The following MASP2 variants were observed in gnomAD, a reference collection of about 807,000 sequenced individuals.
MASP2 encodes mannan-binding lectin serine protease 2.
In MASP2, 49 loss-of-function variants were observed where a neutral mutation model predicts 57.1. The observed-to-expected ratio is 0.86, with a 90% CI of 0.68 to 1.09. The LOEUF (loss-of-function observed/expected upper bound fraction) is 1.09. Among genes scored for constraint, MASP2 ranks in the 50% least tolerant of loss-of-function variants. The pLI, the probability that MASP2 is intolerant of heterozygous loss-of-function variation, is 0.00. For missense variants in MASP2, 900 were observed against 874.8 expected (o/e 1.03, Z -0.36); for synonymous variants, 379 against 340.8 (o/e 1.11, Z -1.24).
intron 7 of MASP2, among the ~76,000 whole-genome samples, chr1:11,037,066 T>C (rs1638263056): frequency 6.6e-6 from 1 of 152,116 alleles, no homozygotes; most frequent in African/African-American, 2.4e-5. Flanking sequence ...TTTATATATT[T>C]TTTTGAGACA....
chr1:11,042,321 T>C (rs1638484295), intron 6 of MASP2, among the ~76,000 whole-genome samples: 1 of 147,282 alleles, frequency 6.8e-6, no homozygotes, highest in Non-Finnish European at 1.5e-5. Flanking sequence ...AATGAATAGA[T>C]GGATAGCTGG....
chr1:11,027,359 A>G lies in MASP2; in HGVS notation c.1587T>C (p.Phe529=). The G allele has an allele frequency of 6.2e-7, 1 of 1,614,214 alleles. No homozygotes were observed. Among genetic ancestry groups the G allele is most frequent in the East Asian group, 2.2e-5 (1 of 44,886 alleles). Residue 529 remains phenylalanine (F), a synonymous_variant, in exon 11 of 11, where the codon TTT becomes TTC. Transcript: ENST00000400897. ...ATTTAATCAGTGCTATGTCATTGTC[A>G]AAGCCAGCATCATGAGTATAACCTT... ...IHEGYTHDAG[F]DNDIALIKLN...
rs113188736 is a variant in MASP2 at position 11,046,055 on chromosome 1, C to A, written c.412+501G>T. ...TGAGACGGAGTCTAGCTCTGTCGCC[C>A]AGGCTGGAGTGTAGTGGTGCAATCT... On this transcript the variant is annotated intron_variant, in intron 3 of 10. Transcript: ENST00000400897. 1,215 of 204,228 alleles carry A rather than the reference C, an allele frequency of 5.9e-3. 5 individuals are homozygous for A. Among genetic ancestry groups the A allele is most frequent in the Non-Finnish European group, 9.9e-3 (980 of 99,318 alleles). The allele number at this position is 204,228 out of a possible 1,614,324, so 12.7% of individuals were successfully genotyped here.
In MASP2 at chr1:11,046,927, C is replaced by T. The variant is rs1638659744; in HGVS notation, c.198G>A (p.Leu66=). 1 of 1,572,540 alleles carries T rather than the reference C, an allele frequency of 6.4e-7. No individual in the cohort carries two copies. The highest frequency in any genetic ancestry group is 8.6e-7 in the Non-Finnish European group (1 of 1,158,756). ...RLRLYFTHFD[L]ELSHLCEYDF... ...CGTACTCGCAGAGGTGGGAGAGCTC[C>T]AGGTCGAAGTGGGTGAAGTAGAGGC... The change falls in exon 2 of 11, where the codon CTG becomes CTA. Residue 66 remains leucine (L), a synonymous_variant. Coordinates refer to ENST00000400897, the MANE Select transcript of MASP2 (RefSeq NM_006610.4).
At chr1:11,044,806 G>A (rs532616656) in intron 4 of MASP2, 325 of 1,537,206 alleles carry the variant, frequency 2.1e-4, no homozygotes, top group Non-Finnish European at 2.6e-4. Context: ...GGTGGGGTGG[G>A]GCCAGGTTTA....
intron 4 of MASP2, chr1:11,044,874 G>A (rs889621276): frequency 7.1e-6 from 11 of 1,556,102 alleles, no homozygotes; most frequent in Middle Eastern, 1.9e-4. Flanking sequence ...AGCCCAACCC[G>A]GAGCTGAGGC....
chr1:11,044,358 A>G (rs372441316), intron 4 of MASP2, among the ~76,000 whole-genome samples: 437 of 152,234 alleles, frequency 2.9e-3, no homozygotes, highest in Middle Eastern at 6.8e-3. Flanking sequence ...CCCCACCCCC[A>G]GCTGCAGTGG....
chr1:11,046,169 C>T (rs1638632036), intron 3 of MASP2: 3 of 322,550 alleles, frequency 9.3e-6, no homozygotes, highest in Non-Finnish European at 1.8e-5. Context: ...CGCACCACCA[C>T]GCCCAGCTAA....
Position 11,037,689 on chromosome 1 carries a change from T to C in MASP2, c.1008+4A>G, listed in dbSNP as rs752532029. Reference sequence around the variant, plus strand: ...TGATCGTGGTGTACTTTGTTTTAACTCACTTGCAGAAGCTCATAGCCAGTC... The same window carrying C: ...TGATCGTGGTGTACTTTGTTTTAACCCACTTGCAGAAGCTCATAGCCAGTC... On this transcript the variant is annotated splice_donor_region_variant and intron_variant, in intron 7 of 10. Coordinates refer to ENST00000400897, the MANE Select transcript of MASP2 (RefSeq NM_006610.4). The C allele has an allele frequency of 4.4e-6, 7 of 1,587,822 alleles. No homozygotes were observed. Among genetic ancestry groups the C allele is most frequent in the Non-Finnish European group, 8.6e-7 (1 of 1,163,380 alleles).
Position 11,046,965 on chromosome 1 carries a change from CG to C in MASP2, c.159del (p.Gly54AlafsTer26), listed in dbSNP as rs1323205798. 8.3e-6 allele frequency: 13 copies of C among 1,563,480 alleles called. No individual in the cohort carries two copies. The highest frequency in any genetic ancestry group is 2.4e-5 in the East Asian group (1 of 42,114). ...QERRWTLTAP[P>X]GYRLRLYFTH... ...GTGAAGTAGAGGCGCAGGCGGTAGC[CG>C]GGGGGTGCAGTCAGGGTCCAGCGCC... On this transcript the variant is annotated frameshift_variant, in exon 2 of 11. Transcript: ENST00000400897. LOFTEE classifies it high-confidence loss of function.
intron 9 of MASP2, 101 bp from the exon 10 acceptor site, chr1:11,030,351 TG>T (rs1643823477): frequency 2.5e-6 from 2 of 808,336 alleles, no homozygotes; most frequent in African/African-American, 3.4e-5. Context: ...TGAGCATCAG[TG>T]GGACATAGAG....
intron 8 of MASP2, among the ~76,000 whole-genome samples, chr1:11,033,529 C>T (rs112341427): frequency 0.09 from 13,633 of 151,706 alleles, 1,353 homozygotes; most frequent in African/African-American, 0.23. Flanking sequence ...CCTGTAGTCT[C>T]AGCTACTCAG....
chr1:11,045,795 C>A, intron 3 of MASP2: 1 of 544,182 alleles, frequency 1.8e-6, no homozygotes, highest in Non-Finnish European at 3.3e-6. Flanking sequence ...CGAGGTCACC[C>A]AGCTAATGAG....
At position 11,030,213 on chromosome 1, in the gene MASP2, G is replaced by A. The variant is rs1553160625; in HGVS notation, c.1260C>T (p.Ser420=). The A allele has an allele frequency of 1.2e-6, 2 of 1,613,456 alleles. No homozygotes were observed. Residue 420 remains serine, a synonymous_variant, in exon 10 of 11, where the codon AGC becomes AGT. Transcript: ENST00000400897. ...CTGGGAGTGATTTTTCTCCTTTGGA[G>A]CTCGTCCAGAATCCATCAGCCTCAC... ...YVCEADGFWT[S]SKGEKSLPVC...
intron 2 of MASP2, 71 bp from the exon 3 acceptor site, chr1:11,046,804 C>G: frequency 6.4e-7 from 1 of 1,558,508 alleles, no homozygotes; most frequent in Non-Finnish European, 8.7e-7. Context: ...CAAGCCTGGC[C>G]CCTGCTCCCA....
In MASP2 at chr1:11,027,319, C is replaced by A. The variant is rs1643754233; in HGVS notation, c.1627G>T (p.Val543Leu). ...ATAGGCGTGATGTTGCTATTGATTACAACTTTGTTATTCAATTTAATCAGT... is the reference window on the plus strand; with the variant it reads ...ATAGGCGTGATGTTGCTATTGATTAAAACTTTGTTATTCAATTTAATCAGT... ...IALIKLNNKV[V>L]INSNITPICL... Residue 543 changes from valine to leucine, a missense_variant, in exon 11 of 11, where the codon GTA (valine) becomes TTA (leucine). Physicochemically the swap from Val to Leu is conservative, Grantham distance 32. Coordinates refer to ENST00000400897, the MANE Select transcript of MASP2 (RefSeq NM_006610.4). The A allele has an allele frequency of 6.2e-7, 1 of 1,613,972 alleles. No homozygotes were observed. Among genetic ancestry groups the A allele is most frequent in the Non-Finnish European group, 8.5e-7 (1 of 1,179,848 alleles).
At chr1:11,039,460 TAGA>T (rs1638349442) in intron 6 of MASP2, among the ~76,000 whole-genome samples, 2 of 148,080 alleles carry the variant, frequency 1.4e-5, no homozygotes. Context: ...ATAAGTAAGG[TAGA>T]AGAATGGGTG....
rs958361081 is a variant in MASP2, at chr1:11,035,916, A to G, written c.1009-1010T>C. ...GTCCAAAAAAAAAAAAAAAAAAAAA[A>G]GCCAGAGGACTGTGGTGACAAGTTT... is the stretch of plus-strand genomic sequence containing the variant. On this transcript the variant is annotated intron_variant, in intron 7 of 10. Coordinates refer to ENST00000400897, the MANE Select transcript of MASP2 (RefSeq NM_006610.4). Among the ~76,000 whole-genome samples, 53 of 141,878 alleles carry G rather than the reference A, an allele frequency of 3.7e-4. 1 individual carries two copies. The highest frequency in any genetic ancestry group is 1.3e-3 in the African/African-American group (48 of 37,674). 93.1% of individuals were successfully genotyped at this position (141,878 alleles called of 152,430 possible). A position where few individuals can be genotyped will look rare whatever the true frequency, so the allele number is the denominator to read the frequency against.
chr1:11,034,277 A>G (rs1443012411), intron 8 of MASP2, among the ~76,000 whole-genome samples: 2 of 150,900 alleles, frequency 1.3e-5, no homozygotes, highest in Non-Finnish European at 2.9e-5. Context: ...GTCAAAGAAC[A>G]TATTTTTCTA....
Sources: allele counts gnomAD v4.1 joint callset (sites outside exome capture counted in the v4.1 genomes callset), GRCh38; gene constraint gnomAD v4.1.1; transcripts MANE v1.5; gene names NCBI Gene and HGNC (gene_info 2026-07-23, HGNC 2026-07-21).